ADRA1B: variants seen among roughly 807,000 people sequenced by gnomAD.
ADRA1B encodes the protein adrenoceptor alpha 1B.
In ADRA1B, 17 loss-of-function variants were observed where a neutral mutation model predicts 17.9. That is an observed-to-expected ratio of 0.95 (90% confidence interval 0.65 to 1.42). The LOEUF is 1.42. Among genes scored for constraint, ADRA1B ranks in the 40% most tolerant of loss-of-function variants. The pLI, the probability that ADRA1B is intolerant of heterozygous loss-of-function variation, is 0.00. For missense variants in ADRA1B, 681 were observed against 722.1 expected, an observed-to-expected ratio of 0.94 and a Z score of 0.65; for synonymous variants, 366 against 327.6, an observed-to-expected ratio of 1.12 and a Z score of -1.27.
intron 1 of ADRA1B, among the ~76,000 whole-genome samples, chr5:159,949,594 A>G (rs1755369651): frequency 6.6e-6 from 1 of 152,226 alleles, no homozygotes; most frequent in South Asian, 2.1e-4. Flanking sequence ...GTCTTGCCAG[A>G]TTGTTCTTTT....
chr5:159,917,835 C>T lies in ADRA1B; in HGVS notation c.930C>T (p.Phe310=). The change falls in exon 1 of 2, where the codon TTC becomes TTT. Residue 310 remains phenylalanine (F), a synonymous_variant. Transcript: ENST00000306675. ...TGTTCATCTTGTGCTGGCTACCCTT[C>T]TTCATCGCTCTACCGCTTGGTAAGT... ...VGMFILCWLP[F]FIALPLGSLF... is the part of the protein sequence containing the mutation. 2 of 1,608,274 alleles carry T rather than the reference C, an allele frequency of 1.2e-6. No homozygotes were observed. Among genetic ancestry groups the T allele is most frequent in the South Asian group, 1.1e-5 (1 of 90,004 alleles).
Position 159,921,258 on chromosome 5 carries a change from G to A in ADRA1B, c.949+3404G>A, listed in dbSNP as rs76021342. ...AGACCAAGTTGGACCAGGGACCAGT[G>A]CTCACTTACTCAGGAGCAGGAATGG... On this transcript the variant is annotated intron_variant, in intron 1 of 1. Transcript: ENST00000306675. 9.6e-3 allele frequency among the ~76,000 whole-genome samples: 1,468 copies of A among 152,246 alleles called. 20 individuals are homozygous for A. Among genetic ancestry groups the A allele is most frequent in the African/African-American group, 0.033 (1,355 of 41,534 alleles).
intron 1 of ADRA1B, among the ~76,000 whole-genome samples, chr5:159,930,433 A>G (rs1450948148): frequency 6.6e-6 from 1 of 152,188 alleles, no homozygotes; most frequent in Non-Finnish European, 1.5e-5. Flanking sequence ...AGTTCAAGAC[A>G]AGACTTCCAA....
At chr5:159,910,500 T>C (rs949704263) in intron 1 of ADRA1B, among the ~76,000 whole-genome samples, 20 of 152,218 alleles carry the variant, frequency 1.3e-4, no homozygotes, top group Admixed American at 3.9e-4. Context: ...TGTTCTCATA[T>C]GCAAATTAAG....
chr5:159,916,813 C>T lies in ADRA1B; in HGVS notation c.-93C>T. 1 of 1,317,704 alleles carries T rather than the reference C, an allele frequency of 7.6e-7. No individual in the cohort carries two copies. Among genetic ancestry groups the T allele is most frequent in the African/African-American group, 1.5e-5 (1 of 67,154 alleles). 81.6% of individuals were successfully genotyped at this position (1,317,704 alleles called of 1,614,324 possible). A position where few individuals can be genotyped will look rare whatever the true frequency, so the allele number is the denominator to read the frequency against. ...GAGGGCGCCTCTGGGAAGAAGACCA[C>T]GGGGGAAGCAAAGTTTCAGGGCAGC... On this transcript the variant is annotated 5_prime_UTR_variant, in exon 1 of 2. In the 5' UTR this introduces an upstream ATG that the reference lacks. Transcript: ENST00000306675.
At chr5:159,922,503 A>G (rs560795376) in intron 1 of ADRA1B, among the ~76,000 whole-genome samples, 1 of 152,346 alleles carries the variant, frequency 6.6e-6, no homozygotes, top group East Asian at 1.9e-4. Context: ...AAGAACTAGT[A>G]ATGATGCTTC....
chr5:159,879,825 G>T (rs1040726546), intron 1 of ADRA1B, among the ~76,000 whole-genome samples: 11 of 152,044 alleles, frequency 7.2e-5, no homozygotes, highest in Non-Finnish European at 1.5e-5. Flanking sequence ...GTGAGACCCT[G>T]TCTCTACTAA....
chr5:159,978,444 G>A, the ADRA1B span, among the ~76,000 whole-genome samples: 14 of 152,204 alleles, frequency 9.2e-5, no homozygotes, highest in South Asian at 6.2e-4. Flanking sequence ...CAACCCTGGT[G>A]TTTCCATAGT....
chr5:159,957,506 CAAA>C (rs201392371), intron 1 of ADRA1B, among the ~76,000 whole-genome samples: 7 of 91,898 alleles, frequency 7.6e-5, no homozygotes, highest in East Asian at 2.6e-4. Context: ...GACTCTGTCT[CAAA>C]AAAAAAAAAA....
upstream of ADRA1B, among the ~76,000 whole-genome samples, chr5:159,913,067 C>T (rs1173007700): frequency 1.3e-5 from 2 of 152,174 alleles, no homozygotes; most frequent in East Asian, 3.8e-4. Flanking sequence ...TAAGCAGATC[C>T]TTGAATCTCC....
At chr5:159,983,078 C>G in the ADRA1B span, among the ~76,000 whole-genome samples, 1 of 152,156 alleles carries the variant, frequency 6.6e-6, no homozygotes, top group Admixed American at 6.5e-5. Context: ...TGAGGACGCA[C>G]CTGCTGCAGA....
intron 1 of ADRA1B, among the ~76,000 whole-genome samples, chr5:159,939,042 G>A (rs1037061517): frequency 6.6e-6 from 1 of 152,162 alleles, no homozygotes; most frequent in Non-Finnish European, 1.5e-5. Flanking sequence ...AGGTGGAAAT[G>A]CCAAGAATTT....
At chr5:159,982,491 A>G in the ADRA1B span, among the ~76,000 whole-genome samples, 2 of 152,172 alleles carry the variant, frequency 1.3e-5, no homozygotes, top group Non-Finnish European at 2.9e-5. Flanking sequence ...TGTTAGAACA[A>G]CACATCAATG....
At chr5:159,866,505 G>A (rs528994626) in intron 1 of ADRA1B, among the ~76,000 whole-genome samples, 1 of 151,066 alleles carries the variant, frequency 6.6e-6, no homozygotes, top group South Asian at 2.1e-4. Context: ...GAGAATCACT[G>A]GAACCCGGGA....
In ADRA1B at chr5:159,902,573, G is replaced by A. The variant is rs80307530; in HGVS notation, c.-255-13546G>A. Among the ~76,000 whole-genome samples, 916 of 152,188 alleles carry A rather than the reference G, an allele frequency of 6.0e-3. 37 individuals are homozygous for A. In the East Asian group the frequency reaches 0.1, roughly 17 times the overall value. On this transcript the variant is annotated intron_variant, in intron 1 of 2. Transcript: ENST00000641205. Reference sequence around the variant, plus strand: ...AAATGACTGACATGCTAACTCCTGGGGCCCTCCCACTCTTCAAGGCCCCAC... The same window carrying A: ...AAATGACTGACATGCTAACTCCTGGAGCCCTCCCACTCTTCAAGGCCCCAC...
chr5:159,983,424 T>C, the ADRA1B span, among the ~76,000 whole-genome samples: 18 of 152,200 alleles, frequency 1.2e-4, no homozygotes, highest in Non-Finnish European at 1.6e-4. Flanking sequence ...TTAAACCCCA[T>C]GTGTTCTGGC....
rs1358182120 is a variant in ADRA1B, at chr5:159,972,956, G to C, written c.*464G>C. 6.6e-6 allele frequency among the ~76,000 whole-genome samples: 1 copy of C among 152,216 alleles called. No homozygotes were observed. The highest frequency in any genetic ancestry group is 1.5e-5 in the Non-Finnish European group (1 of 68,034). ...AGCCCCTCCTTGTACTTCACTGAAGGATGGCACTTTGGTGGGGTTGGAAAC... is the reference window on the plus strand; with the variant it reads ...AGCCCCTCCTTGTACTTCACTGAAGCATGGCACTTTGGTGGGGTTGGAAAC... On this transcript the variant is annotated 3_prime_UTR_variant, in exon 2 of 2. Transcript: ENST00000306675.
chr5:159,916,924 A>G lies in ADRA1B; in HGVS notation c.19A>G (p.Thr7Ala), dbSNP rs776857148. Residue 7 changes from threonine (T) to alanine (A), a missense_variant, in exon 1 of 2, where the codon ACC becomes GCC. Thr to Ala is a moderately conservative substitution (Grantham distance 58). Transcript: ENST00000306675. MNPDLD[T>A]GHNTSAPAHW... ...CTCTAAGATGAATCCCGACCTGGAC[A>G]CCGGCCACAACACATCAGCACCTGC... 2.0e-5 allele frequency: 33 copies of G among 1,612,614 alleles called. No individual in the cohort carries two copies. In the East Asian group the frequency reaches 7.1e-4, roughly 35 times the overall value.
At chr5:159,958,341 G>C (rs1755604148) in intron 1 of ADRA1B, among the ~76,000 whole-genome samples, 1 of 152,040 alleles carries the variant, frequency 6.6e-6, no homozygotes, top group African/African-American at 2.4e-5. Context: ...TTTCCCACAA[G>C]CATTGAAATG....
Sources: gnomAD v4.1 joint callset for allele counts (sites outside exome capture counted in the v4.1 genomes callset) on GRCh38, gnomAD v4.1.1 for gene constraint, MANE v1.5 for transcripts, NCBI Gene and HGNC (gene_info 2026-07-23, HGNC 2026-07-21) for gene names.